MCPH1: variants seen among roughly 807,000 people sequenced by gnomAD.
The protein encoded by MCPH1 is microcephalin 1, also known as microcephalin.
MCPH1 carries 104 observed loss-of-function variants against 84.5 expected under a neutral mutation model. That is an observed-to-expected ratio of 1.23 (90% confidence interval 1.05 to 1.45). The LOEUF (loss-of-function observed/expected upper bound fraction) is 1.45. Among genes scored for constraint, MCPH1 ranks in the 40% most tolerant of loss-of-function variants. The pLI, the probability that MCPH1 is intolerant of heterozygous loss-of-function variation, is 0.00. For missense variants in MCPH1, 1,498 were observed against 1,005.7 expected (o/e 1.49, Z -6.62); for synonymous variants, 514 against 366.8 (o/e 1.40, Z -4.58).
At chr8:6,625,608 T>G (rs2129581421) in intron 13 of MCPH1, 1 of 985,362 alleles carries the variant, frequency 1.0e-6, no homozygotes, top group South Asian at 4.7e-5. Flanking sequence ...GAATATCAAC[T>G]GCTTTGTAAG....
chr8:6,485,252 A>T (rs900675643), intron 11 of MCPH1, among the ~76,000 whole-genome samples: 11 of 151,662 alleles, frequency 7.3e-5, no homozygotes, highest in Admixed American at 5.9e-4. Flanking sequence ...TTGAACTTGG[A>T]GGGAGGAGGT....
intron 12 of MCPH1, chr8:6,500,423 T>G (rs1274156231): frequency 6.4e-6 from 1 of 156,778 alleles, no homozygotes; most frequent in Non-Finnish European, 1.4e-5. Flanking sequence ...GTGGATAATT[T>G]AAAGTTTGCT....
chr8:6,439,001 A>G lies in MCPH1; in HGVS notation c.485A>G (p.Tyr162Cys), dbSNP rs1474480741. Reference sequence around the variant, plus strand: ...TTTGAATCTAATGGTTCATTAATATATACTCCCACAATTGAAATTAATAGT... The same window carrying G: ...TTTGAATCTAATGGTTCATTAATATGTACTCCCACAATTGAAATTAATAGT... ...LLFESNGSLI[Y>C]TPTIEINSRH... The change falls in exon 6 of 14, where the codon TAT becomes TGT. Residue 162 changes from tyrosine to cysteine, a missense_variant. Transcript: ENST00000344683. 5 of 1,609,532 alleles carry G rather than the reference A, an allele frequency of 3.1e-6. No homozygotes were observed. The highest frequency in any genetic ancestry group is 2.7e-5 in the African/African-American group (2 of 74,866).
chr8:6,469,252 T>A (rs1490869394), intron 9 of MCPH1, among the ~76,000 whole-genome samples: 3 of 152,198 alleles, frequency 2.0e-5, no homozygotes, highest in Non-Finnish European at 1.5e-5. Context: ...GATCATAGCA[T>A]GTATAAAATT....
At chr8:6,519,891 T>C in intron 12 of MCPH1, 1 of 1,614,090 alleles carries the variant, frequency 6.2e-7, no homozygotes, top group Non-Finnish European at 8.5e-7. Context: ...AATTAGGGAA[T>C]GTTAACGTGT....
intron 13 of MCPH1, chr8:6,627,144 G>C (rs532094000): frequency 4.1e-6 from 4 of 984,464 alleles, no homozygotes; most frequent in African/African-American, 1.8e-5. Context: ...CCTAATGACT[G>C]ACTGACCAGA....
intron 12 of MCPH1, among the ~76,000 whole-genome samples, chr8:6,585,793 C>G (rs1013746379): frequency 6.6e-6 from 1 of 152,202 alleles, no homozygotes; most frequent in Admixed American, 6.5e-5. Flanking sequence ...TCATGACCCA[C>G]CATCCCATGA....
chr8:6,609,573 G>A (rs62496951), intron 12 of MCPH1, among the ~76,000 whole-genome samples: 30,844 of 152,182 alleles, frequency 0.2, 3,697 homozygotes, highest in Non-Finnish European at 0.27. Flanking sequence ...AATACATTCC[G>A]CCTTCCTTTA....
At chr8:6,506,871 T>A (rs1813830594) in intron 12 of MCPH1, among the ~76,000 whole-genome samples, 1 of 152,094 alleles carries the variant, frequency 6.6e-6, no homozygotes, top group African/African-American at 2.4e-5. Context: ...ATTATTTTCA[T>A]TACTAAATCC....
intron 13 of MCPH1, among the ~76,000 whole-genome samples, chr8:6,630,618 C>G (rs751760542): frequency 3.9e-5 from 6 of 151,940 alleles, no homozygotes; most frequent in Admixed American, 3.9e-4. Flanking sequence ...CCTGTCTTTA[C>G]TAAAAATACA....
At chr8:6,531,458 T>G (rs1819498794) in intron 12 of MCPH1, among the ~76,000 whole-genome samples, 1 of 151,896 alleles carries the variant, frequency 6.6e-6, no homozygotes, top group South Asian at 2.1e-4. Flanking sequence ...CTGGCTAATT[T>G]GTTTGTATTT....
intron 12 of MCPH1, among the ~76,000 whole-genome samples, chr8:6,605,060 C>T (rs139089317): frequency 6.6e-6 from 1 of 152,138 alleles, no homozygotes; most frequent in Non-Finnish European, 1.5e-5. Context: ...ACCCTATGTC[C>T]CTCCTTGTCG....
intron 12 of MCPH1, chr8:6,615,958 C>T (rs888612115): frequency 3.3e-5 from 5 of 152,074 alleles, no homozygotes; most frequent in South Asian, 2.1e-4. Context: ...TTTAATACCT[C>T]GAGGAGGGTG....
chr8:6,578,812 A>G (rs1273681470), intron 12 of MCPH1, among the ~76,000 whole-genome samples: 1 of 152,198 alleles, frequency 6.6e-6, no homozygotes, highest in African/African-American at 2.4e-5. Context: ...TCAGACTCGC[A>G]CGTGGTTCTC....
chr8:6,592,195 C>A (rs138076752), intron 12 of MCPH1, among the ~76,000 whole-genome samples: 1 of 152,066 alleles, frequency 6.6e-6, no homozygotes, highest in Admixed American at 6.6e-5. Flanking sequence ...TTCTGTCACC[C>A]AAACTGGAGT....
intron 12 of MCPH1, among the ~76,000 whole-genome samples, chr8:6,601,478 C>A (rs1829354215): frequency 6.6e-6 from 1 of 151,844 alleles, no homozygotes; most frequent in Admixed American, 6.6e-5. Flanking sequence ...CTGTGGCGAT[C>A]TCCCTCCCGC....
At position 6,479,647 on chromosome 8, in the gene MCPH1, A is replaced by G. The variant is rs188977494; in HGVS notation, c.1974-1067A>G. Among the ~76,000 whole-genome samples, 9 of 151,960 alleles carry G rather than the reference A, an allele frequency of 5.9e-5. No individual in the cohort carries two copies. In the East Asian group the frequency reaches 1.2e-3, roughly 20 times the overall value. The stretch of plus-strand genomic sequence containing the variant: ...AGACAGCGTTTCACCATGTTGTTGT[A>G]TATATCACAGTGTGGCTTAGAAAGC... On this transcript the variant is annotated intron_variant, in intron 10 of 13. Coordinates refer to ENST00000344683, the MANE Select transcript of MCPH1 (RefSeq NM_024596.5).
rs745542150 is a variant in MCPH1 at position 6,445,309 on chromosome 8, T to G, written c.1587T>G (p.Ile529Met). 3 of 1,614,206 alleles carry G rather than the reference T, an allele frequency of 1.9e-6. No homozygotes were observed. Among genetic ancestry groups the G allele is most frequent in the Non-Finnish European group, 2.5e-6 (3 of 1,180,044 alleles). ...AGGGAAATGGCTTTTCTTACACCAT[T>G]GAGGACCCTGCTCTTCCAAAAGGAC... ...CPEGNGFSYTIEDPALPKGHD... is the reference protein window; with the variant it reads ...CPEGNGFSYTMEDPALPKGHD... Residue 529 changes from isoleucine (I) to methionine (M), a missense_variant, in exon 8 of 14, where the codon ATT becomes ATG. By Grantham distance (10) the Ile-to-Met change is conservative. Transcript: ENST00000344683.
chr8:6,525,847 A>G (rs1818228930), intron 12 of MCPH1, among the ~76,000 whole-genome samples: 2 of 152,222 alleles, frequency 1.3e-5, no homozygotes, highest in South Asian at 2.1e-4. Context: ...TCCTACAGGC[A>G]TAGTTGAAAG....
Sources: gnomAD v4.1 joint callset for allele counts (sites outside exome capture counted in the v4.1 genomes callset) on GRCh38, gnomAD v4.1.1 for gene constraint, MANE v1.5 for transcripts, NCBI Gene and HGNC (gene_info 2026-07-23, HGNC 2026-07-21) for gene names.